Variants in RPL18A observed in about 807,000 individuals in gnomAD.
RPL18A encodes the protein large ribosomal subunit protein eL20.
For synonymous variants in RPL18A, 122 were observed against 96.9 expected (o/e 1.26, Z -1.52); for missense variants, 163 against 254.1 (o/e 0.64, Z 2.44).
chr19:17,863,227 A>G lies in RPL18A; in HGVS notation c.495A>G (p.Pro165=), dbSNP rs774116042. 1.2e-6 allele frequency: 2 copies of G among 1,610,028 alleles called. No homozygotes were observed. Among genetic ancestry groups the G allele is most frequent in the East Asian group, 4.5e-5 (2 of 44,864 alleles). Residue 165 remains proline (P), a synonymous_variant, in exon 5 of 5, where the codon CCA becomes CCG. Coordinates refer to ENST00000222247, the MANE Select transcript of RPL18A (RefSeq NM_000980.4). ...PHRVLRRQHK[P]RFTTKRPNTF... ...GGGTCCTGCGCCGTCAGCACAAGCC[A>G]CGCTTCACCACCAAGAGGCCCAACA...
Position 17,860,292 on chromosome 19 carries a change from C to T in RPL18A, c.18+318C>T, listed in dbSNP as rs538235931. 4.6e-4 allele frequency: 196 copies of T among 422,690 alleles called. 1 individual carries two copies. Among genetic ancestry groups the T allele is most frequent in the Non-Finnish European group, 6.5e-4 (154 of 238,586 alleles). 26.2% of individuals were successfully genotyped at this position (422,690 alleles called of 1,614,324 possible). ...GTCGAGCCGCCAAGTTTCTGTTTTC[C>T]TTTCTGCAACGTGGACGTGGCGGTA... is the stretch of plus-strand genomic sequence containing the variant. On this transcript the variant is annotated intron_variant, in intron 1 of 4. Coordinates refer to ENST00000222247, the MANE Select transcript of RPL18A (RefSeq NM_000980.4).
intron 2 of RPL18A, 92 bp from the exon 3 acceptor site, chr19:17,862,002 G>C (rs2094278287): frequency 6.9e-7 from 1 of 1,445,360 alleles, no homozygotes; most frequent in Non-Finnish European, 9.4e-7. Context: ...TGGAGCCTGG[G>C]GTGTGCTTTA....
At chr19:17,860,346 A>C (rs2094274948) in intron 1 of RPL18A, 3 of 291,374 alleles carry the variant, frequency 1.0e-5, no homozygotes, top group Non-Finnish European at 1.9e-5. Flanking sequence ...TTTCTGCCGG[A>C]ATGGCTGTGA....
intron 1 of RPL18A, chr19:17,861,086 A>T: frequency 1.7e-6 from 1 of 584,590 alleles, no homozygotes; most frequent in Non-Finnish European, 3.0e-6. Flanking sequence ...TCCTCCCTGG[A>T]GACCTCCCTC....
intron 3 of RPL18A, 134 bp downstream of exon 3, chr19:17,862,357 GC>G: frequency 9.2e-7 from 1 of 1,086,368 alleles, no homozygotes. Flanking sequence ...ACAAAAGGAT[GC>G]CCCAGGCCCC....
intron 1 of RPL18A, 101 bp from the exon 2 acceptor site, chr19:17,861,192 C>A: frequency 1.7e-6 from 2 of 1,160,038 alleles, no homozygotes; most frequent in Non-Finnish European, 2.5e-6. Flanking sequence ...CTGCCTCCTG[C>A]TTCCCGAATC....
intron 1 of RPL18A, 159 bp from the exon 2 acceptor site, chr19:17,861,134 G>A: frequency 1.6e-6 from 1 of 623,964 alleles, no homozygotes; most frequent in South Asian, 1.9e-5. Flanking sequence ...GTGGTCGGGA[G>A]TGTGACCTAC....
In RPL18A at chr19:17,862,299, G is replaced by A; in HGVS notation, c.328+76G>A. ...ACACTGAGGCAGGGCAAGTGCCAGA[G>A]GTTCCCAGTGCAGGAGAGTCTCAGG... On this transcript the variant is annotated intron_variant, in intron 3 of 4. Coordinates refer to ENST00000222247, the MANE Select transcript of RPL18A (RefSeq NM_000980.4). 5 of 1,549,550 alleles carry A rather than the reference G, an allele frequency of 3.2e-6. No individual in the cohort carries two copies. The South Asian group carries it at 4.6e-5, about 14-fold the overall frequency.
In RPL18A at chr19:17,862,207, C is replaced by T. The variant is rs780193132; in HGVS notation, c.312C>T (p.Gly104=). The stretch of plus-strand genomic sequence containing the variant: ...AATACCGGGACCTGACCACCGCAGG[C>T]GCTGTCACCCAGTGCTGTAAGCTGC... ...YREYRDLTTA[G]AVTQCYRDMG... Residue 104 remains glycine, a synonymous_variant, in exon 3 of 5, where the codon GGC becomes GGT. Transcript: ENST00000222247. 1.1e-5 allele frequency: 18 copies of T among 1,613,256 alleles called. No individual in the cohort carries two copies. Among genetic ancestry groups the T allele is most frequent in the East Asian group, 4.5e-5 (2 of 44,896 alleles).
chr19:17,861,748 C>T (rs2094277789), intron 2 of RPL18A: 1 of 550,742 alleles, frequency 1.8e-6, no homozygotes, highest in Non-Finnish European at 3.2e-6. Flanking sequence ...TCCCTGGGCC[C>T]TGTCTGTTAA....
At position 17,862,937 on chromosome 19, in the gene RPL18A, G is replaced by A; in HGVS notation, c.348G>A (p.Arg116=). 1 of 1,611,340 alleles carries A rather than the reference G, an allele frequency of 6.2e-7. No homozygotes were observed. Among genetic ancestry groups the A allele is most frequent in the Non-Finnish European group, 8.5e-7 (1 of 1,178,998 alleles). Residue 116 remains arginine (R), a synonymous_variant, in exon 4 of 5, where the codon CGG becomes CGA. Transcript: ENST00000222247. ...CCACAGACCGAGACATGGGTGCCCG[G>A]CACCGCGCCCGAGCCCACTCCATTC... is the stretch of plus-strand genomic sequence containing the variant. The part of the protein sequence containing the change: ...VTQCYRDMGA[R]HRARAHSIQI...
rs772349495 is a variant in RPL18A, at chr19:17,863,071, G to A, written c.438+44G>A. ...TCCCCTGGAGGGAAGTGCCTGCTCT[G>A]ACGCAGGAGCCCAGTGGGGGGCGGC... On this transcript the variant is annotated intron_variant, in intron 4 of 4. Transcript: ENST00000222247. 9.0e-6 allele frequency: 14 copies of A among 1,563,168 alleles called. No individual in the cohort carries two copies. In the African/African-American group the frequency reaches 1.6e-4, roughly 18 times the overall value.
Position 17,863,042 on chromosome 19 carries a change from G to A in RPL18A, c.438+15G>A. The A allele has an allele frequency of 6.2e-7, 1 of 1,600,714 alleles. No individual in the cohort carries two copies. The highest frequency in any genetic ancestry group is 8.6e-7 in the Non-Finnish European group (1 of 1,168,630). ...AGCAGTTCCACGTGAGTGCCCTGGGGGACTCCCCTGGAGGGAAGTGCCTGC... is the reference window on the plus strand; with the variant it reads ...AGCAGTTCCACGTGAGTGCCCTGGGAGACTCCCCTGGAGGGAAGTGCCTGC... On this transcript the variant is annotated intron_variant, in intron 4 of 4. Transcript: ENST00000222247.
chr19:17,861,245 C>T, intron 1 of RPL18A, 48 bp from the exon 2 acceptor site: 3 of 1,564,920 alleles, frequency 1.9e-6, no homozygotes, highest in South Asian at 1.1e-5. Flanking sequence ...TGGATCTCCA[C>T]AGTTGCCTCT....
At chr19:17,861,937 G>A (rs2094278140) in intron 2 of RPL18A, 157 bp from the exon 3 acceptor site, 2 of 815,496 alleles carry the variant, frequency 2.5e-6, no homozygotes, top group Admixed American at 2.9e-5. Context: ...GAGGATGCCT[G>A]AAGGTAGGTG....
intron 2 of RPL18A, chr19:17,861,692 G>A (rs2094277623): frequency 1.7e-6 from 1 of 577,486 alleles, no homozygotes; most frequent in African/African-American, 1.9e-5. Context: ...CAGGGACCCA[G>A]GGAGCGGGTG....
intron 3 of RPL18A, 53 bp downstream of exon 3, chr19:17,862,276 A>G (rs1330495753): frequency 1.3e-6 from 2 of 1,596,112 alleles, no homozygotes; most frequent in East Asian, 2.2e-5. Context: ...ACTCCCTCAC[A>G]CTGAGGCAGG....
In RPL18A at chr19:17,861,996, G is replaced by A. The variant is rs148995116; in HGVS notation, c.199-98G>A. 684 of 1,416,764 alleles carry A rather than the reference G, an allele frequency of 4.8e-4. 4 individuals carry two copies. In the African/African-American group the frequency reaches 8.8e-3, roughly 18 times the overall value. The allele number at this position is 1,416,764 out of a possible 1,614,324, so 87.8% of individuals were successfully genotyped here. ...AGTCTGGCCATAGAGTAGGCCTGGAGCCTGGGGTGTGCTTTAGAGGCAGAG... is the reference window on the plus strand; with the variant it reads ...AGTCTGGCCATAGAGTAGGCCTGGAACCTGGGGTGTGCTTTAGAGGCAGAG... On this transcript the variant is annotated intron_variant, in intron 2 of 4. Coordinates refer to ENST00000222247, the MANE Select transcript of RPL18A (RefSeq NM_000980.4).
intron 2 of RPL18A, 76 bp from the exon 3 acceptor site, chr19:17,862,018 A>T: frequency 6.5e-7 from 1 of 1,543,264 alleles, no homozygotes; most frequent in Non-Finnish European, 8.8e-7. Context: ...CTTTAGAGGC[A>T]GAGGGTTCAG....
Sources: allele counts gnomAD v4.1 joint callset, GRCh38; gene constraint gnomAD v4.1.1; transcripts MANE v1.5; gene names NCBI Gene and HGNC (gene_info 2026-07-23, HGNC 2026-07-21).